Variants in ZNF536 observed in about 807,000 individuals in gnomAD.
ZNF536 encodes the protein zinc finger protein 536.
ZNF536 carries 13 observed loss-of-function variants against 84.5 expected under a neutral mutation model. The observed-to-expected ratio is 0.15, with a 90% CI of 0.10 to 0.24. The LOEUF (loss-of-function observed/expected upper bound fraction) is 0.24, where lower values mean the gene tolerates loss of function less well. ZNF536 is among the 10% of genes least tolerant of loss of function. ZNF536 has a pLI of 1.00. For missense variants in ZNF536, 1,536 were observed against 1,747.5 expected, an observed-to-expected ratio of 0.88 and a Z score of 2.16; for synonymous variants, 811 against 742.5, an observed-to-expected ratio of 1.09 and a Z score of -1.50.
intron 1 of ZNF536, among the ~76,000 whole-genome samples, chr19:30,423,485 A>C (rs1332994077): frequency 1.3e-5 from 2 of 152,236 alleles, no homozygotes; most frequent in Admixed American, 1.3e-4. Flanking sequence ...ACAAGTGGCT[A>C]TTCTATGCCC....
chr19:30,549,023 C>T lies in ZNF536; in HGVS notation c.3404C>T (p.Pro1135Leu), dbSNP rs1319525792. ...TCCAGTTCCTGCCCCAACAAGGAGC[C>T]TGATGGAAAGGCCCACTCTGAAGAG... ...GASSSCPNKE[P>L]DGKAHSEEDV... The change falls in exon 4 of 5, where the codon CCT becomes CTT. Residue 1135 changes from proline to leucine, a missense_variant. Physicochemically the swap from Pro to Leu is moderately conservative, Grantham distance 98. Around this residue, in one of 8 missense-constraint regions of ZNF536, gnomAD observed 624 missense variants for 603.1 expected, o/e 1.03. Coordinates refer to ENST00000355537, the MANE Select transcript of ZNF536 (RefSeq NM_014717.3). The T allele has an allele frequency of 6.2e-7, 1 of 1,614,042 alleles. No homozygotes were observed. The highest frequency in any genetic ancestry group is 1.3e-5 in the African/African-American group (1 of 74,910).
chr19:30,311,975 G>GA (rs1284041081), intron 2 of ZNF536, among the ~76,000 whole-genome samples: 1 of 152,144 alleles, frequency 6.6e-6, no homozygotes, highest in Non-Finnish European at 1.5e-5. Flanking sequence ...GGCTGAGATG[G>GA]AAGGATCACT....
chr19:30,233,225 G>A (rs1599821620), intron 1 of ZNF536, among the ~76,000 whole-genome samples: 1 of 152,202 alleles, frequency 6.6e-6, no homozygotes, highest in Non-Finnish European at 1.5e-5. Flanking sequence ...TGGGGCGGGG[G>A]GAGAACCCCA....
chr19:30,355,897 C>T (rs961735287), intron 3 of ZNF536, among the ~76,000 whole-genome samples: 1 of 152,186 alleles, frequency 6.6e-6, no homozygotes, highest in African/African-American at 2.4e-5. Context: ...GCCTCCCAAT[C>T]CATGGAAAAG....
intron 2 of ZNF536, among the ~76,000 whole-genome samples, chr19:30,515,217 G>A (rs1027149150): frequency 9.2e-5 from 14 of 152,094 alleles, no homozygotes; most frequent in African/African-American, 3.4e-4. Flanking sequence ...AGTTATGATC[G>A]TACCACTGCA....
chr19:30,590,278 T>C (rs2047230889), intron 1 of ZNF536, among the ~76,000 whole-genome samples: 1 of 152,222 alleles, frequency 6.6e-6, no homozygotes, highest in Non-Finnish European at 1.5e-5. Context: ...ACCCAAGTGC[T>C]GTTGTCCTCA....
At chr19:30,658,208 G>T (rs1195442271) in intron 1 of ZNF536, among the ~76,000 whole-genome samples, 1 of 152,052 alleles carries the variant, frequency 6.6e-6, no homozygotes, top group Non-Finnish European at 1.5e-5. Context: ...TTTTAGTAGA[G>T]ACAGGGATTC....
At chr19:30,433,926 T>G (rs2051595155) in intron 1 of ZNF536, among the ~76,000 whole-genome samples, 1 of 151,856 alleles carries the variant, frequency 6.6e-6, no homozygotes, top group Non-Finnish European at 1.5e-5. Context: ...GGTCAGCATC[T>G]AAGAAGCATT....
chr19:30,677,769 G>A (rs2050805131), intron 1 of ZNF536, among the ~76,000 whole-genome samples: 1 of 152,216 alleles, frequency 6.6e-6, no homozygotes, highest in South Asian at 2.1e-4. Context: ...AGCCTCCTAA[G>A]ACCCTGAGCT....
At chr19:30,526,798 G>A (rs970951192) in intron 2 of ZNF536, among the ~76,000 whole-genome samples, 13 of 151,130 alleles carry the variant, frequency 8.6e-5, no homozygotes, top group African/African-American at 3.2e-4. Flanking sequence ...CACAGTTCTT[G>A]ATCTTGAAGC....
At position 30,549,516 on chromosome 19, in the gene ZNF536, T is replaced by G; in HGVS notation, c.3895+2T>G. 6.6e-7 allele frequency: 1 copy of G among 1,507,274 alleles called. No individual in the cohort carries two copies. The highest frequency in any genetic ancestry group is 8.9e-7 in the Non-Finnish European group (1 of 1,128,394). The allele number at this position is 1,507,274 out of a possible 1,614,324, so 93.4% of individuals were successfully genotyped here. On this transcript the variant is annotated splice_donor_variant, in intron 4 of 4. Transcript: ENST00000355537. LOFTEE classifies it high-confidence loss of function. ...GTATCAAGAGGCCAGACTTGTGTGG[T>G]AAGTTTTAGAATCCTCTTCCTATAG...
At position 30,445,309 on chromosome 19, in the gene ZNF536, G is replaced by A. The variant is rs762643337; in HGVS notation, c.1747G>A (p.Val583Ile). 5.6e-5 allele frequency: 91 copies of A among 1,614,066 alleles called. No individual in the cohort carries two copies. The highest frequency in any genetic ancestry group is 7.5e-5 in the Non-Finnish European group (88 of 1,180,050). The stretch of plus-strand genomic sequence containing the variant: ...CAAGCAGAAAATGCCTGCTGATTTG[G>A]TTCACAGCACTAAAGTGGGCAGCCA... Reference protein sequence around the residue: ...GSKQKMPADLVHSTKVGSQRD... With the variant: ...GSKQKMPADLIHSTKVGSQRD... Residue 583 changes from valine to isoleucine, a missense_variant, in exon 2 of 5, where the codon GTT becomes ATT. By Grantham distance (29) the Val-to-Ile change is conservative (BLOSUM62 3). Coordinates refer to ENST00000355537, the MANE Select transcript of ZNF536 (RefSeq NM_014717.3). This position sits in a 1 kb window ranked among gnomAD's most constrained non-coding sequence, Gnocchi z 4.5.
chr19:30,631,999 C>G (rs2048904969), intron 1 of ZNF536, among the ~76,000 whole-genome samples: 1 of 152,196 alleles, frequency 6.6e-6, no homozygotes, highest in South Asian at 2.1e-4. Context: ...CCTCCCCAAA[C>G]CACTATAGGC....
intron 2 of ZNF536, among the ~76,000 whole-genome samples, chr19:30,463,532 A>G (rs2053251105): frequency 6.6e-6 from 1 of 152,186 alleles, no homozygotes; most frequent in South Asian, 2.1e-4. Context: ...CGTGAGCTCC[A>G]TGAGGCAGGG....
At chr19:30,227,683 C>A (rs1310386543), upstream of ZNF536, among the ~76,000 whole-genome samples, 3 of 150,086 alleles carry the variant, frequency 2.0e-5, no homozygotes, top group Non-Finnish European at 3.0e-5. Context: ...GCGGGAGGGG[C>A]GGAGTGAGCG....
intron 3 of ZNF536, among the ~76,000 whole-genome samples, chr19:30,360,341 A>G (rs2048234905): frequency 6.6e-6 from 1 of 152,156 alleles, no homozygotes; most frequent in African/African-American, 2.4e-5. Context: ...TATTTCTGTA[A>G]TCCCTTTATT....
chr19:30,341,076 C>G (rs982052498), intron 2 of ZNF536, among the ~76,000 whole-genome samples: 1 of 151,684 alleles, frequency 6.6e-6, no homozygotes, highest in Non-Finnish European at 1.5e-5. Flanking sequence ...AGCCGTTCGG[C>G]AGTGGAAAAA....
intron 2 of ZNF536, among the ~76,000 whole-genome samples, chr19:30,331,636 T>C (rs2047215047): frequency 6.6e-6 from 1 of 152,136 alleles, no homozygotes; most frequent in Admixed American, 6.5e-5. Flanking sequence ...GTAACTTTTC[T>C]TCCACTTGAC....
chr19:30,586,355 C>T (rs781004471), intron 1 of ZNF536, among the ~76,000 whole-genome samples: 4 of 152,242 alleles, frequency 2.6e-5, no homozygotes, highest in Non-Finnish European at 4.4e-5. Context: ...TGAGAATGTG[C>T]GGCCACCATG....
Sources: gnomAD v4.1 joint callset for allele counts (sites outside exome capture counted in the v4.1 genomes callset) on GRCh38, gnomAD v4.1.1 for gene constraint, gnomAD v4.1.1 regional missense constraint, Gnocchi (gnomAD v3.1) non-coding constraint, MANE v1.5 for transcripts, NCBI Gene and HGNC (gene_info 2026-07-23, HGNC 2026-07-21) for gene names.